The following LARGE1 variants were observed in gnomAD, a reference collection of about 807,000 sequenced individuals.
LARGE1 encodes LARGE xylosyl- and glucuronyltransferase 1.
Under a neutral mutation model 87.6 loss-of-function variants are expected in LARGE1, and 43 were observed. The observed-to-expected ratio is 0.49, with a 90% CI of 0.38 to 0.63. LARGE1 has a LOEUF of 0.63. Ranked by LOEUF, LARGE1 falls within the 30% of genes least tolerant of loss-of-function variation. The probability of loss-of-function intolerance (pLI) is 0.00; values close to 1 mark genes in which losing one functional copy is unlikely to be tolerated. For missense variants in LARGE1, 802 were observed against 1,000.2 expected (o/e 0.80, Z 2.67); for synonymous variants, 434 against 394.6 (o/e 1.10, Z -1.18).
At chr22:33,217,254 A>G (rs1925251832) in intron 11 of LARGE1, among the ~76,000 whole-genome samples, 3 of 150,508 alleles carry the variant, frequency 2.0e-5, no homozygotes, top group African/African-American at 4.9e-5. Flanking sequence ...AAAAAAAAAA[A>G]TAACGAGCAG....
At chr22:33,336,325 C>T (rs770733886) in intron 10 of LARGE1, among the ~76,000 whole-genome samples, 6 of 152,008 alleles carry the variant, frequency 3.9e-5, no homozygotes, top group African/African-American at 7.3e-5. Context: ...CTCAGCCTCC[C>T]GAGTAGCTGG....
At chr22:33,640,041 C>T (rs1354388293) in intron 3 of LARGE1, among the ~76,000 whole-genome samples, 1 of 152,198 alleles carries the variant, frequency 6.6e-6, no homozygotes, top group East Asian at 1.9e-4. Context: ...GTTTCCGCAA[C>T]ACCCACAGAT....
intron 11 of LARGE1, among the ~76,000 whole-genome samples, chr22:33,245,425 A>G (rs1287272078): frequency 6.6e-6 from 1 of 152,226 alleles, no homozygotes; most frequent in Non-Finnish European, 1.5e-5. Context: ...GAGCATCCCA[A>G]AAAACTGTTG....
chr22:33,695,803 C>T (rs2082225561), intron 2 of LARGE1, among the ~76,000 whole-genome samples: 1 of 152,128 alleles, frequency 6.6e-6, no homozygotes, highest in Non-Finnish European at 1.5e-5. Flanking sequence ...ACAATGCATA[C>T]TCCTATGTAA....
intron 1 of LARGE1, among the ~76,000 whole-genome samples, chr22:33,777,700 A>C (rs990466354): frequency 7.1e-6 from 1 of 140,860 alleles, no homozygotes; most frequent in African/African-American, 2.7e-5. Context: ...AAGGGAAGGC[A>C]GGGGAAGGGA....
chr22:33,749,818 G>A (rs572422254), intron 2 of LARGE1, among the ~76,000 whole-genome samples: 8 of 152,174 alleles, frequency 5.3e-5, no homozygotes, highest in South Asian at 2.1e-4. Context: ...GGTTTGTCTC[G>A]TCCTTGTCTA....
intron 1 of LARGE1, among the ~76,000 whole-genome samples, chr22:33,843,628 C>T (rs1395195050): frequency 6.6e-6 from 1 of 151,902 alleles, no homozygotes; most frequent in African/African-American, 2.4e-5. Context: ...TGCCCCAAGC[C>T]CTCCCTGTAC....
chr22:33,752,653 G>T (rs985570436), intron 2 of LARGE1, among the ~76,000 whole-genome samples: 4 of 152,182 alleles, frequency 2.6e-5, no homozygotes, highest in African/African-American at 9.6e-5. Flanking sequence ...AACTCCAAGG[G>T]AAGGATGAGA....
chr22:33,591,842 CA>C (rs759357005), intron 5 of LARGE1, among the ~76,000 whole-genome samples: 77 of 102,044 alleles, frequency 7.5e-4, no homozygotes, highest in Middle Eastern at 5.8e-3. Context: ...CCCGTCTCTC[CA>C]AAAAAAAAAA....
chr22:33,654,098 C>G (rs2080894257), intron 2 of LARGE1, among the ~76,000 whole-genome samples: 1 of 152,100 alleles, frequency 6.6e-6, no homozygotes. Flanking sequence ...TGGTTTTAAC[C>G]AAATTTAACT....
At chr22:33,610,047 T>A (rs903106201) in intron 4 of LARGE1, among the ~76,000 whole-genome samples, 3 of 152,152 alleles carry the variant, frequency 2.0e-5, no homozygotes, top group African/African-American at 7.2e-5. Flanking sequence ...GCCATGCTTG[T>A]ACAGCCTGCA....
At chr22:33,306,043 A>G (rs1171701507) in intron 11 of LARGE1, among the ~76,000 whole-genome samples, 1 of 151,858 alleles carries the variant, frequency 6.6e-6, no homozygotes, top group Non-Finnish European at 1.5e-5. Flanking sequence ...ACGGGGTTTC[A>G]CCATCTTAGC....
chr22:33,363,515 G>A (rs776740562), intron 9 of LARGE1, among the ~76,000 whole-genome samples: 6 of 149,316 alleles, frequency 4.0e-5, no homozygotes, highest in African/African-American at 1.2e-4. Context: ...ATTCAATTAC[G>A]TAACTCCCAC....
intron 6 of LARGE1, among the ~76,000 whole-genome samples, chr22:33,499,563 T>C (rs1252193429): frequency 6.6e-6 from 1 of 152,188 alleles, no homozygotes; most frequent in African/African-American, 2.4e-5. Flanking sequence ...TGAGAGAACC[T>C]TGGAGAAGTG....
At chr22:33,908,185 T>C (rs561794933) in intron 1 of LARGE1, among the ~76,000 whole-genome samples, 13 of 152,154 alleles carry the variant, frequency 8.5e-5, no homozygotes, top group Admixed American at 7.2e-4. Context: ...ACAACAACCA[T>C]TTATTGTATT....
chr22:33,484,123 C>T (rs750554099), intron 6 of LARGE1, among the ~76,000 whole-genome samples: 3 of 152,164 alleles, frequency 2.0e-5, no homozygotes, highest in Non-Finnish European at 4.4e-5. Context: ...GAGCCTGGGA[C>T]AACAGACACC....
chr22:33,654,145 C>A (rs2080896003), intron 2 of LARGE1, among the ~76,000 whole-genome samples: 1 of 152,084 alleles, frequency 6.6e-6, no homozygotes, highest in Admixed American at 6.5e-5. Flanking sequence ...CTTTTAAAAG[C>A]CCTATAGATT....
chr22:33,387,426 C>CAAAAAAAAA (rs758366490), intron 7 of LARGE1, among the ~76,000 whole-genome samples: 6 of 67,440 alleles, frequency 8.9e-5, no homozygotes, highest in Admixed American at 1.6e-4. Context: ...GACTCTGTCT[C>CAAAAAAAAA]AAAAAAAAAA....
chr22:33,191,839 T>C (rs1175862307), intron 11 of LARGE1, among the ~76,000 whole-genome samples: 2 of 152,202 alleles, frequency 1.3e-5, no homozygotes, highest in African/African-American at 4.8e-5. Flanking sequence ...GAACCAACCA[T>C]GGAAACATAT....
Sources: gnomAD v4.1 joint callset for allele counts (sites outside exome capture counted in the v4.1 genomes callset) on GRCh38, gnomAD v4.1.1 for gene constraint, MANE v1.5 for transcripts, NCBI Gene and HGNC (gene_info 2026-07-23, HGNC 2026-07-21) for gene names.